CDKL1: variants seen among roughly 807,000 people sequenced by gnomAD.
CDKL1 encodes cyclin-dependent kinase-like 1.
CDKL1 carries 41 observed loss-of-function variants against 42.0 expected under a neutral mutation model. The ratio of observed to expected loss-of-function variants is 0.98; its 90% CI spans 0.76 to 1.27. The LOEUF is 1.27. Ranked by LOEUF, CDKL1 falls within the 50% of genes most tolerant of loss-of-function variation. The probability of loss-of-function intolerance (pLI) is 0.00; values close to 1 mark genes in which losing one functional copy is unlikely to be tolerated. For synonymous variants in CDKL1, 153 were observed against 158.6 expected, an observed-to-expected ratio of 0.96 and a Z score of 0.26; for missense variants, 394 against 428.4, an observed-to-expected ratio of 0.92 and a Z score of 0.71.
intron 2 of CDKL1, among the ~76,000 whole-genome samples, chr14:50,392,353 G>A (rs1566614599): frequency 6.6e-6 from 1 of 151,940 alleles, no homozygotes; most frequent in Non-Finnish European, 1.5e-5. Flanking sequence ...GGCTGAGGCA[G>A]GAGAATCTCT....
intron 2 of CDKL1, among the ~76,000 whole-genome samples, chr14:50,386,816 T>C (rs1489917558): frequency 1.3e-5 from 2 of 151,614 alleles, no homozygotes; most frequent in Non-Finnish European, 2.9e-5. Context: ...ATCCCAGCAC[T>C]TTGGGAGGCC....
At chr14:50,378,140 C>A in intron 2 of CDKL1, 1 of 1,361,524 alleles carries the variant, frequency 7.3e-7, no homozygotes, top group Non-Finnish European at 9.8e-7. Context: ...GGAAAAGCAA[C>A]TCAGTTCCAT....
At chr14:50,354,306 A>G (rs1472025787) in intron 3 of CDKL1, among the ~76,000 whole-genome samples, 1 of 152,206 alleles carries the variant, frequency 6.6e-6, no homozygotes, top group African/African-American at 2.4e-5. Flanking sequence ...ACAACATATC[A>G]TTTTTAATCT....
chr14:50,351,003 C>T (rs2033885501), intron 3 of CDKL1, among the ~76,000 whole-genome samples: 1 of 152,154 alleles, frequency 6.6e-6, no homozygotes. Flanking sequence ...TGGCATTCTT[C>T]CTGCCTGCTT....
chr14:50,334,898 T>C, intron 7 of CDKL1: 1 of 262,598 alleles, frequency 3.8e-6, no homozygotes, highest in Non-Finnish European at 6.9e-6. Context: ...AAAATACTAA[T>C]GAAAAAAAAC....
Position 50,329,964 on chromosome 14 carries a change from T to TTC in CDKL1, c.*108_*109dup. 7.6e-7 allele frequency: 1 copy of TTC among 1,316,968 alleles called. No individual in the cohort carries two copies. The highest frequency in any genetic ancestry group is 2.3e-4 in the Middle Eastern group (1 of 4,440). The allele number at this position is 1,316,968 out of a possible 1,614,324, so 81.6% of individuals were successfully genotyped here. On this transcript the variant is annotated 3_prime_UTR_variant, in exon 10 of 10. Transcript: ENST00000395834. ...GGCCTCCCAGTTTCTTGCTTATGTT[T>TTC]TCTCCTGGTGTGTTTTCAACATTGT...
In CDKL1 at chr14:50,343,074, G is replaced by A. The variant is rs747242945; in HGVS notation, c.364-852C>T. 5 of 1,299,610 alleles carry A rather than the reference G, an allele frequency of 3.8e-6. No homozygotes were observed. In the Admixed American group the frequency reaches 7.3e-5, roughly 19 times the overall value. The allele number at this position is 1,299,610 out of a possible 1,614,324, so 80.5% of individuals were successfully genotyped here. ...ACAGGGTGATCTTAGAGAAAAGAAC[G>A]TTTGAGAATCTTCACATGATTTTCT... On this transcript the variant is annotated intron_variant, in intron 4 of 9. Coordinates refer to ENST00000395834, the MANE Select transcript of CDKL1 (RefSeq NM_004196.7).
At chr14:50,357,337 G>A (rs781289853) in intron 3 of CDKL1, 1 of 151,988 alleles carries the variant, frequency 6.6e-6, no homozygotes, top group Non-Finnish European at 1.5e-5. Context: ...CCATCACCAC[G>A]TGGCAGAGCA....
intron 3 of CDKL1, among the ~76,000 whole-genome samples, chr14:50,347,296 A>G (rs998160985): frequency 2.0e-5 from 3 of 152,186 alleles, no homozygotes. Context: ...AGTTACAACT[A>G]TAAAAAGGGG....
chr14:50,369,224 A>G (rs1441661644), intron 2 of CDKL1, among the ~76,000 whole-genome samples: 1 of 152,042 alleles, frequency 6.6e-6, no homozygotes, highest in Non-Finnish European at 1.5e-5. Context: ...GTCTCTTGCA[A>G]ATGCTGGGGA....
Position 50,369,633 on chromosome 14 carries a change from CACAT to C in CDKL1, c.169-10488_169-10485del, listed in dbSNP as rs1270203542. Among the ~76,000 whole-genome samples the C allele has an allele frequency of 1.7e-4, 26 of 149,366 alleles. 1 individual carries two copies. The highest frequency in any genetic ancestry group is 6.2e-4 in the African/African-American group (25 of 40,344). ...GCACACACACACACACACACACACA[CACAT>C]ATATATATAGTTGCTCTATTGCCCA... On this transcript the variant is annotated intron_variant, in intron 2 of 9. Transcript: ENST00000395834.
At chr14:50,351,707 C>T (rs1478419587) in intron 3 of CDKL1, among the ~76,000 whole-genome samples, 1 of 150,038 alleles carries the variant, frequency 6.7e-6, no homozygotes, top group Non-Finnish European at 1.5e-5. Context: ...TGCACTCCAG[C>T]CTGGGTGACA....
chr14:50,380,802 C>CTTTGTTTTTTTT (rs368170212), intron 2 of CDKL1, among the ~76,000 whole-genome samples: 78 of 134,630 alleles, frequency 5.8e-4, no homozygotes, highest in African/African-American at 1.8e-3. Context: ...CTGTGACTTC[C>CTTTGTTTTTTTT]TTTTTTTTTT....
rs78399355 is a variant in CDKL1 at position 50,342,424 on chromosome 14, A to G, written c.364-202T>C. On this transcript the variant is annotated intron_variant, in intron 4 of 9. Transcript: ENST00000395834. The stretch of plus-strand genomic sequence containing the variant: ...ATCATCCCAAATTCCTAAAAGGCCC[A>G]AAAGAGCCAAGAAGAGTGAAAGGAA... 5.8e-4 allele frequency: 780 copies of G among 1,346,490 alleles called. 3 individuals carry two copies. The African/African-American group carries it at 0.01, about 18-fold the overall frequency. 83.4% of individuals were successfully genotyped at this position (1,346,490 alleles called of 1,614,324 possible).
intron 2 of CDKL1, among the ~76,000 whole-genome samples, chr14:50,360,070 T>G (rs1349179235): frequency 6.6e-6 from 1 of 152,168 alleles, no homozygotes; most frequent in Non-Finnish European, 1.5e-5. Context: ...GTTGTACGAT[T>G]TAACACTTGG....
At chr14:50,334,861 A>G in intron 7 of CDKL1, 1 of 383,166 alleles carries the variant, frequency 2.6e-6, no homozygotes, top group Non-Finnish European at 4.6e-6. Flanking sequence ...CTGCTCTGAT[A>G]CCAATGGAGA....
intron 3 of CDKL1, among the ~76,000 whole-genome samples, chr14:50,356,103 G>A (rs183837869): frequency 2.0e-5 from 3 of 152,216 alleles, no homozygotes; most frequent in Non-Finnish European, 2.9e-5. Context: ...TAACCTAAGG[G>A]GACCCCACCT....
At position 50,330,106 on chromosome 14, in the gene CDKL1, T is replaced by G. The variant is rs773370892; in HGVS notation, c.1042A>C (p.Lys348Gln). ...TTTGGAAAACGGTAGTTAAGTTTCTTGGTATCACAGTAGTACTTCTTATTA... is the reference window on the plus strand; with the variant it reads ...TTTGGAAAACGGTAGTTAAGTTTCTGGGTATCACAGTAGTACTTCTTATTA... Reference protein sequence around the residue: ...LDNKKYYCDTKKLNYRFPNI With the variant: ...LDNKKYYCDTQKLNYRFPNI Residue 348 changes from lysine to glutamine, a missense_variant, in exon 10 of 10, where the codon AAG becomes CAG. By Grantham distance (53) the Lys-to-Gln change is moderately conservative (BLOSUM62 1). Coordinates refer to ENST00000395834, the MANE Select transcript of CDKL1 (RefSeq NM_004196.7). 3 of 1,610,312 alleles carry G rather than the reference T, an allele frequency of 1.9e-6. No homozygotes were observed. The highest frequency in any genetic ancestry group is 2.5e-6 in the Non-Finnish European group (3 of 1,179,256).
chr14:50,349,889 C>T (rs754369871), intron 3 of CDKL1, among the ~76,000 whole-genome samples: 2 of 152,172 alleles, frequency 1.3e-5, no homozygotes, highest in Non-Finnish European at 2.9e-5. Context: ...CTGCCTCAGC[C>T]GCCCAAGTAG....
Sources: allele counts gnomAD v4.1 joint callset (sites outside exome capture counted in the v4.1 genomes callset), GRCh38; gene constraint gnomAD v4.1.1; transcripts MANE v1.5; gene names NCBI Gene and HGNC (gene_info 2026-07-23, HGNC 2026-07-21).